PRKD3: variants seen among roughly 807,000 people sequenced by gnomAD.
The protein encoded by PRKD3 is serine/threonine-protein kinase D3.
In PRKD3, 47 loss-of-function variants were observed where a neutral mutation model predicts 99.2. The ratio of observed to expected loss-of-function variants is 0.47; its 90% CI spans 0.38 to 0.60. The LOEUF is 0.60. Among genes scored for constraint, PRKD3 ranks in the 20% least tolerant of loss-of-function variants. The probability of loss-of-function intolerance (pLI) is 0.00; values close to 1 mark genes in which losing one functional copy is unlikely to be tolerated. For missense variants in PRKD3, 1,019 were observed against 1,088.4 expected (o/e 0.94, Z 0.90); for synonymous variants, 392 against 355.4 (o/e 1.10, Z -1.16).
At chr2:37,269,493 G>A (rs1163211516) in intron 13 of PRKD3, 122 bp downstream of exon 13, 5 of 771,120 alleles carry the variant, frequency 6.5e-6, no homozygotes, top group Admixed American at 4.1e-5. Flanking sequence ...AAGATAACAA[G>A]TCAGCCTTTA....
At position 37,252,975 on chromosome 2, in the gene PRKD3, C is replaced by T. The variant is rs1248562403; in HGVS notation, c.*202G>A. On this transcript the variant is annotated 3_prime_UTR_variant, in exon 19 of 19. Transcript: ENST00000234179. ...TAAAAAAGTTTATAAAAAGCTTCAC[C>T]TTGATTCCATTATGACTTCTTATTA... The T allele has an allele frequency of 4.6e-6, 2 of 437,392 alleles. No individual in the cohort carries two copies. The highest frequency in any genetic ancestry group is 4.4e-5 in the Admixed American group (1 of 22,700). The allele number at this position is 437,392 out of a possible 1,614,324, so 27.1% of individuals were successfully genotyped here.
In PRKD3 at chr2:37,278,836, C is replaced by G. The variant is rs918881517; in HGVS notation, c.1173-847G>C. 2.6e-5 allele frequency: 4 copies of G among 151,892 alleles called. No individual in the cohort carries two copies. In the East Asian group the frequency reaches 7.7e-4, roughly 29 times the overall value. The allele number at this position is 151,892 out of a possible 1,614,324, so 9.4% of individuals were successfully genotyped here. On this transcript the variant is annotated intron_variant, in intron 8 of 18. Transcript: ENST00000234179. ...CCTGTAGTCCCAGCTACTTGGGAGG[C>G]TGAGGCAGGAGAATCGCTTGAACCG...
At chr2:37,298,051 T>C (rs1348979868) in intron 2 of PRKD3, among the ~76,000 whole-genome samples, 1 of 152,226 alleles carries the variant, frequency 6.6e-6, no homozygotes, top group Non-Finnish European at 1.5e-5. Context: ...CCCCCACTTA[T>C]TTATTCACAA....
At chr2:37,253,866 A>G (rs1043682631) in intron 18 of PRKD3, among the ~76,000 whole-genome samples, 1 of 152,352 alleles carries the variant, frequency 6.6e-6, no homozygotes, top group South Asian at 2.1e-4. Context: ...TAAGCCAAAC[A>G]TTTTTAAAAA....
chr2:37,323,652 AACG>A (rs1438449527), intron 1 of PRKD3, among the ~76,000 whole-genome samples: 1 of 152,168 alleles, frequency 6.6e-6, no homozygotes, highest in Non-Finnish European at 1.5e-5. Context: ...AAAATGTAAG[AACG>A]ACGACATTAA....
chr2:37,292,408 C>T (rs371854314), intron 3 of PRKD3, among the ~76,000 whole-genome samples: 6 of 149,994 alleles, frequency 4.0e-5, no homozygotes, highest in African/African-American at 1.5e-4. Context: ...TGCAGTGGTG[C>T]GATCTCGGCT....
chr2:37,254,360 A>T, intron 17 of PRKD3, 71 bp from the exon 18 acceptor site: 2 of 1,168,964 alleles, frequency 1.7e-6, no homozygotes, highest in Non-Finnish European at 2.6e-6. Context: ...GACTGCCTAG[A>T]AGGCAGTTCA....
chr2:37,292,794 T>C (rs1225551791), intron 3 of PRKD3, among the ~76,000 whole-genome samples: 1 of 151,942 alleles, frequency 6.6e-6, no homozygotes, highest in East Asian at 1.9e-4. Flanking sequence ...TACAGTTGCA[T>C]GTGACCATGC....
chr2:37,293,106 A>T, intron 3 of PRKD3, 27 bp downstream of exon 3: 1 of 1,527,292 alleles, frequency 6.5e-7, no homozygotes. Flanking sequence ...GGGAAAAGGC[A>T]ATCACTCTAA....
In PRKD3 at chr2:37,308,345, G is replaced by A. The variant is rs778150358; in HGVS notation, c.288+7892C>T. Among the ~76,000 whole-genome samples the A allele has an allele frequency of 8.5e-4, 130 of 152,108 alleles. 1 individual carries two copies. Among genetic ancestry groups the A allele is most frequent in the Non-Finnish European group, 1.4e-3 (92 of 68,008 alleles). ...GAAAGTGAGCTGCCTGCTGTCCAGA[G>A]GTTTGATAGTCAATTCCATTATATG... is the stretch of plus-strand genomic sequence containing the variant. On this transcript the variant is annotated intron_variant, in intron 2 of 18. Transcript: ENST00000234179.
chr2:37,298,247 G>A (rs1171768486), intron 2 of PRKD3, among the ~76,000 whole-genome samples: 5 of 152,136 alleles, frequency 3.3e-5, no homozygotes, highest in African/African-American at 4.8e-5. Flanking sequence ...AGTCAACAGT[G>A]TTGCCAGTTT....
intron 2 of PRKD3, among the ~76,000 whole-genome samples, chr2:37,313,316 C>A (rs1312037209): frequency 1.2e-4 from 18 of 149,036 alleles, no homozygotes; most frequent in African/African-American, 4.5e-4. Flanking sequence ...GATTGCTGAC[C>A]CCTGCATTAG....
At chr2:37,255,321 A>T (rs557239039) in intron 17 of PRKD3, among the ~76,000 whole-genome samples, 1 of 151,670 alleles carries the variant, frequency 6.6e-6, no homozygotes, top group African/African-American at 2.4e-5. Context: ...AAAACAAAAA[A>T]GATCTACCTA....
intron 1 of PRKD3, chr2:37,324,289 G>C: frequency 3.2e-6 from 3 of 937,032 alleles, no homozygotes; most frequent in Non-Finnish European, 3.8e-6. Context: ...TCTGGCTTCG[G>C]GAACTAGTTT....
intron 2 of PRKD3, among the ~76,000 whole-genome samples, chr2:37,301,062 G>T (rs952447376): frequency 6.6e-6 from 1 of 152,090 alleles, no homozygotes; most frequent in Non-Finnish European, 1.5e-5. Flanking sequence ...ACATGCTTAA[G>T]TGAATCTGTA....
chr2:37,303,418 G>A (rs1284518504), intron 2 of PRKD3, among the ~76,000 whole-genome samples: 1 of 152,120 alleles, frequency 6.6e-6, no homozygotes, highest in Non-Finnish European at 1.5e-5. Flanking sequence ...GGCGCCCACT[G>A]AGCTGATAAC....
At position 37,276,898 on chromosome 2, in the gene PRKD3, C is replaced by A. The variant is rs1386343256; in HGVS notation, c.1296+968G>T. On this transcript the variant is annotated intron_variant, in intron 9 of 18. Coordinates refer to ENST00000234179, the MANE Select transcript of PRKD3 (RefSeq NM_005813.6). Reference sequence around the variant, plus strand: ...TAGATGCTTGTCCCAACACCATTTACTGAATTAACTACTTTCCCCATTAAT... The same window carrying A: ...TAGATGCTTGTCCCAACACCATTTAATGAATTAACTACTTTCCCCATTAAT... Among the ~76,000 whole-genome samples the A allele has an allele frequency of 2.6e-5, 4 of 151,528 alleles. No individual in the cohort carries two copies. The East Asian group carries it at 7.7e-4, about 29-fold the overall frequency.
intron 2 of PRKD3, among the ~76,000 whole-genome samples, chr2:37,300,677 G>T (rs192588131): frequency 3.9e-4 from 59 of 152,222 alleles, no homozygotes; most frequent in African/African-American, 1.3e-3. Context: ...CAGAAAAATA[G>T]AAATAAAAGA....
At chr2:37,260,983 T>C (rs1246542068) in intron 14 of PRKD3, among the ~76,000 whole-genome samples, 3 of 152,232 alleles carry the variant, frequency 2.0e-5, no homozygotes, top group Non-Finnish European at 4.4e-5. Flanking sequence ...ATTTATCTTT[T>C]GTTCTACTAC....
Sources: gnomAD v4.1 joint callset for allele counts (sites outside exome capture counted in the v4.1 genomes callset) on GRCh38, gnomAD v4.1.1 for gene constraint, MANE v1.5 for transcripts, NCBI Gene and HGNC (gene_info 2026-07-23, HGNC 2026-07-21) for gene names.